Variants in RELN observed in about 807,000 individuals in gnomAD.
RELN encodes reelin.
A neutral mutation model predicts 427.6 loss-of-function variants in RELN; 108 were observed. The observed-to-expected ratio is 0.25, with a 90% CI of 0.22 to 0.30. The LOEUF (loss-of-function observed/expected upper bound fraction) is 0.30. RELN is among the 10% of genes least tolerant of loss of function. The probability of loss-of-function intolerance (pLI) is 1.00; values close to 1 mark genes in which losing one functional copy is unlikely to be tolerated. For synonymous variants in RELN, 1,524 were observed against 1,513.4 expected, an observed-to-expected ratio of 1.01 and a Z score of -0.16; for missense variants, 3,715 against 4,302.8, an observed-to-expected ratio of 0.86 and a Z score of 3.82.
At chr7:103,882,852 A>G (rs940511396) in intron 2 of RELN, among the ~76,000 whole-genome samples, 19 of 152,362 alleles carry the variant, frequency 1.2e-4, no homozygotes, top group African/African-American at 4.6e-4. Context: ...GAATTCTACC[A>G]GAGGTATAAA....
intron 2 of RELN, among the ~76,000 whole-genome samples, chr7:103,850,939 G>C (rs1159465301): frequency 6.6e-6 from 1 of 152,130 alleles, no homozygotes; most frequent in Non-Finnish European, 1.5e-5. Context: ...ATTCCTTAAG[G>C]GACTAAAAGT....
intron 57 of RELN, among the ~76,000 whole-genome samples, chr7:103,493,379 C>G (rs1828729645): frequency 1.3e-5 from 2 of 152,150 alleles, no homozygotes; most frequent in Admixed American, 6.5e-5. Context: ...TCGACAGAAA[C>G]AGGAAAATCA....
intron 2 of RELN, among the ~76,000 whole-genome samples, chr7:103,886,341 A>T (rs1405373569): frequency 6.6e-6 from 1 of 152,174 alleles, no homozygotes; most frequent in Non-Finnish European, 1.5e-5. Flanking sequence ...TTCTTTATGC[A>T]TCAAATTCTT....
At chr7:103,486,645 A>G (rs562754773) in intron 60 of RELN, among the ~76,000 whole-genome samples, 58 of 152,298 alleles carry the variant, frequency 3.8e-4, no homozygotes, top group Non-Finnish European at 6.3e-4. Flanking sequence ...GCCAACAAAC[A>G]TATGAAAAAA....
chr7:103,928,627 T>C (rs1317273110), intron 1 of RELN, among the ~76,000 whole-genome samples: 2 of 152,232 alleles, frequency 1.3e-5, no homozygotes, highest in Admixed American at 6.5e-5. Flanking sequence ...AGAATTCCAC[T>C]ACAGTAAGAA....
At chr7:103,590,013 CAAT>C (rs1831373557) in intron 27 of RELN, among the ~76,000 whole-genome samples, 185 bp from the exon 28 acceptor site, 1 of 109,252 alleles carries the variant, frequency 9.2e-6, no homozygotes, top group Non-Finnish European at 1.9e-5. Flanking sequence ...TTTAAGCAAA[CAAT>C]AGGTACTTTT....
At chr7:103,630,865 T>TTTG (rs1179883787) in intron 19 of RELN, among the ~76,000 whole-genome samples, 4 of 149,148 alleles carry the variant, frequency 2.7e-5, no homozygotes, top group Non-Finnish European at 5.9e-5. Context: ...TTTTTGTTTT[T>TTTG]TTTTTTTTTG....
chr7:103,867,151 T>C (rs1794219295), intron 2 of RELN, among the ~76,000 whole-genome samples: 1 of 152,096 alleles, frequency 6.6e-6, no homozygotes, highest in Non-Finnish European at 1.5e-5. Context: ...CAGTTAATAT[T>C]TACCTGAAGC....
At chr7:103,738,980 C>G (rs905981329) in intron 6 of RELN, among the ~76,000 whole-genome samples, 2 of 152,120 alleles carry the variant, frequency 1.3e-5, no homozygotes, top group Non-Finnish European at 2.9e-5. Context: ...TGTGCCTGGC[C>G]TGGCATCTTT....
At chr7:103,613,833 C>T (rs56041591) in intron 20 of RELN, among the ~76,000 whole-genome samples, 7,857 of 152,242 alleles carry the variant, frequency 0.052, 270 homozygotes, top group Middle Eastern at 0.16. Context: ...ACAGTATTTC[C>T]CCACCTGAGC....
chr7:103,950,101 G>C (rs1204852129), intron 1 of RELN, among the ~76,000 whole-genome samples: 2 of 152,190 alleles, frequency 1.3e-5, no homozygotes, highest in Non-Finnish European at 2.9e-5. Flanking sequence ...CTGGTTTATA[G>C]ATGGGGCCTT....
intron 1 of RELN, among the ~76,000 whole-genome samples, chr7:103,918,717 A>T (rs1795543219): frequency 6.6e-6 from 1 of 152,190 alleles, no homozygotes; most frequent in Non-Finnish European, 1.5e-5. Context: ...TTCCAGAGGA[A>T]AAGTATGTTA....
At chr7:103,634,231 C>T (rs6961304) in intron 19 of RELN, among the ~76,000 whole-genome samples, 79 of 152,152 alleles carry the variant, frequency 5.2e-4, no homozygotes, top group African/African-American at 1.8e-3. Flanking sequence ...ATCCTTCTGT[C>T]TTTCTCATCT....
Position 103,545,195 on chromosome 7 carries a change from T to C in RELN, c.6452A>G (p.Asp2151Gly), listed in dbSNP as rs1830265132. 6.2e-7 allele frequency: 1 copy of C among 1,614,048 alleles called. No individual in the cohort carries two copies. Among genetic ancestry groups the C allele is most frequent in the Non-Finnish European group, 8.5e-7 (1 of 1,180,042 alleles). Residue 2151 changes from aspartate to glycine, a missense_variant, in exon 42 of 65, where the codon GAC (aspartate) becomes GGC (glycine). Asp to Gly is a moderately conservative substitution (Grantham distance 94). Coordinates refer to ENST00000428762, the MANE Select transcript of RELN (RefSeq NM_005045.4). Reference sequence around the variant, plus strand: ...ACAGGTTGGACCTGAGTAGCCAGGGTCACATATACATTTGGTTCCATTGAT... The same window carrying C: ...ACAGGTTGGACCTGAGTAGCCAGGGCCACATATACATTTGGTTCCATTGAT... ...SCINGTKCIC[D>G]PGYSGPTCKI... is the part of the protein sequence containing the mutation.
chr7:103,510,358 A>G (rs1293984326), intron 51 of RELN, among the ~76,000 whole-genome samples: 2 of 152,178 alleles, frequency 1.3e-5, no homozygotes, highest in African/African-American at 2.4e-5. Context: ...GAAGCTGGAA[A>G]CCATCATTCT....
intron 31 of RELN, among the ~76,000 whole-genome samples, chr7:103,571,861 T>A (rs1830889146): frequency 6.6e-6 from 1 of 152,174 alleles, no homozygotes; most frequent in South Asian, 2.1e-4. Flanking sequence ...CCATGCTATA[T>A]GTAAGAGTCT....
intron 11 of RELN, among the ~76,000 whole-genome samples, chr7:103,671,602 C>CA (rs1833393684): frequency 6.6e-6 from 1 of 152,070 alleles, no homozygotes; most frequent in African/African-American, 2.4e-5. Context: ...AGTGGTAATT[C>CA]AAATGAACTT....
rs746380201 is a variant in RELN at position 103,989,391 on chromosome 7, C to A, written c.-35G>T. On this transcript the variant is annotated 5_prime_UTR_variant, in exon 1 of 65. Coordinates refer to ENST00000428762, the MANE Select transcript of RELN (RefSeq NM_005045.4). The surrounding 1 kb of genome is among the most constrained non-coding windows in gnomAD (Gnocchi z 4.9). ...GCCGCCGCCGCCGCCGCGCGCCCTA[C>A]GCGCCGCTCGCTCATTCAGTTTTGG... 6 of 1,178,252 alleles carry A rather than the reference C, an allele frequency of 5.1e-6. No homozygotes were observed. The highest frequency in any genetic ancestry group is 5.6e-6 in the Non-Finnish European group (5 of 895,318). 73.0% of individuals were successfully genotyped at this position (1,178,252 alleles called of 1,614,324 possible). A position where few individuals can be genotyped will look rare whatever the true frequency, so the allele number is the denominator to read the frequency against.
At chr7:103,947,874 T>C (rs1796251527) in intron 1 of RELN, among the ~76,000 whole-genome samples, 1 of 152,236 alleles carries the variant, frequency 6.6e-6, no homozygotes, top group African/African-American at 2.4e-5. Context: ...CAATGGCATT[T>C]GTTCCTCTGA....
Sources: gnomAD v4.1 joint callset for allele counts (sites outside exome capture counted in the v4.1 genomes callset) on GRCh38, gnomAD v4.1.1 for gene constraint, Gnocchi (gnomAD v3.1) non-coding constraint, MANE v1.5 for transcripts, NCBI Gene and HGNC (gene_info 2026-07-23, HGNC 2026-07-21) for gene names.